Variants in PLCG1 observed in about 807,000 individuals in gnomAD.
PLCG1 encodes the protein 1-phosphatidylinositol 4,5-bisphosphate phosphodiesterase gamma-1.
Under a neutral mutation model 177.8 loss-of-function variants are expected in PLCG1, and 71 were observed. The observed-to-expected ratio is 0.40, with a 90% confidence interval of 0.33 to 0.49. The LOEUF (loss-of-function observed/expected upper bound fraction) is 0.49, where lower values mean the gene tolerates loss of function less well. Ranked by LOEUF, PLCG1 falls within the 20% of genes least tolerant of loss-of-function variation. PLCG1 has a pLI of 0.72. For synonymous variants in PLCG1, 658 were observed against 647.9 expected (o/e 1.02, Z -0.24); for missense variants, 1,281 against 1,709.0 (o/e 0.75, Z 4.42).
Position 41,159,031 on chromosome 20 carries a change from G to A in PLCG1, c.218-575G>A, listed in dbSNP as rs763616442. Among the ~76,000 whole-genome samples, 1 of 152,190 alleles carries A rather than the reference G, an allele frequency of 6.6e-6. No individual in the cohort carries two copies. The highest frequency in any genetic ancestry group is 1.5e-5 in the Non-Finnish European group (1 of 68,034). ...CAGGCAAAATGGTGGTCTGGGTCCA[G>A]GATGGTTGCTGCTCTTGGACAGCCA... On this transcript the variant is annotated intron_variant, in intron 1 of 31. Coordinates refer to ENST00000685551, the MANE Select transcript of PLCG1 (RefSeq NM_002660.3). This position sits in a 1 kb window ranked among gnomAD's most constrained non-coding sequence, Gnocchi z 6.0.
rs113580387 is a variant in PLCG1, at chr20:41,165,996, C to A, written c.1799+170C>A. ...CACACACACTCTCTGTCTCACCCCCCCCCCATACCCCTCCCTTTTCGGTTC... is the reference window on the plus strand; with the variant it reads ...CACACACACTCTCTGTCTCACCCCCACCCCATACCCCTCCCTTTTCGGTTC... On this transcript the variant is annotated intron_variant, in intron 16 of 31. Coordinates refer to ENST00000685551, the MANE Select transcript of PLCG1 (RefSeq NM_002660.3). The surrounding 1 kb of genome is among the most constrained non-coding windows in gnomAD (Gnocchi z 6.6). 3,808 of 681,952 alleles carry A rather than the reference C, an allele frequency of 5.6e-3. 21 individuals carry two copies. The highest frequency in any genetic ancestry group is 8.4e-3 in the Admixed American group (288 of 34,210). 42.2% of individuals were successfully genotyped at this position (681,952 alleles called of 1,614,324 possible).
rs755863057 is a variant in PLCG1, at chr20:41,173,416, A to T, written c.3280-4A>T. Reference sequence around the variant, plus strand: ...ATCCCAGGCCCTTCTTTGTCTGCCTACAGGTGCTGGGGGCCCGACATCTGC... The same window carrying T: ...ATCCCAGGCCCTTCTTTGTCTGCCTTCAGGTGCTGGGGGCCCGACATCTGC... On this transcript the variant is annotated splice_polypyrimidine_tract_variant and splice_region_variant and intron_variant, in intron 27 of 31. Transcript: ENST00000685551. This position sits in a 1 kb window ranked among gnomAD's most constrained non-coding sequence, Gnocchi z 6.2. The T allele has an allele frequency of 1.3e-6, 2 of 1,589,780 alleles. No individual in the cohort carries two copies. The highest frequency in any genetic ancestry group is 3.4e-5 in the Admixed American group (2 of 58,536).
intron 1 of PLCG1, among the ~76,000 whole-genome samples, chr20:41,139,763 G>A (rs1297623348): frequency 1.3e-5 from 2 of 152,146 alleles, no homozygotes; most frequent in Non-Finnish European, 2.9e-5. Flanking sequence ...ATGGTGAGGG[G>A]GTGAGGTGTG....
At position 41,169,442 on chromosome 20, in the gene PLCG1, C is replaced by T. The variant is rs1187093039; in HGVS notation, c.2581-15C>T. 6.2e-7 allele frequency: 1 copy of T among 1,605,936 alleles called. No homozygotes were observed. On this transcript the variant is annotated splice_polypyrimidine_tract_variant and intron_variant, in intron 22 of 31. Transcript: ENST00000685551. ...AGTAGCCATGCTGACCATTGGTGGG[C>T]TTTGCTTCCCACAGCACTTGGACGA...
intron 4 of PLCG1, 39 bp from the exon 5 acceptor site, chr20:41,162,413 A>C: frequency 6.6e-7 from 1 of 1,517,626 alleles, no homozygotes; most frequent in Non-Finnish European, 9.2e-7. Context: ...GGTCATGAGA[A>C]GCTGGATGAG....
In PLCG1 at chr20:41,163,133, G is replaced by A. The variant is rs1041251854; in HGVS notation, c.717-70G>A. ...GGGAAGCTGTGCTGGCTGGGAGTTG[G>A]GTTCTGCCTTCCGTGGGGCACCTTG... is the stretch of plus-strand genomic sequence containing the variant. On this transcript the variant is annotated intron_variant, in intron 7 of 31. Transcript: ENST00000685551. The surrounding 1 kb of genome is among the most constrained non-coding windows in gnomAD (Gnocchi z 5.2). 6.6e-7 allele frequency: 1 copy of A among 1,507,762 alleles called. No individual in the cohort carries two copies. The highest frequency in any genetic ancestry group is 9.1e-7 in the Non-Finnish European group (1 of 1,097,636). 93.4% of individuals were successfully genotyped at this position (1,507,762 alleles called of 1,614,324 possible).
At chr20:41,169,357 A>G in intron 22 of PLCG1, 100 bp from the exon 23 acceptor site, 1 of 1,046,672 alleles carries the variant, frequency 9.6e-7, no homozygotes, top group Non-Finnish European at 1.5e-6. Flanking sequence ...TGGCAGTCAC[A>G]GGTACACCCA....
At chr20:41,170,379 T>A in intron 24 of PLCG1, 110 bp downstream of exon 24, 1 of 1,127,642 alleles carries the variant, frequency 8.9e-7, no homozygotes, top group Non-Finnish European at 1.3e-6. Flanking sequence ...GCCGATGGCC[T>A]ATGCTAGATA....
rs1259002411 is a variant in PLCG1 at position 41,146,579 on chromosome 20, A to C, written c.217+8721A>C. On this transcript the variant is annotated intron_variant, in intron 1 of 31. Transcript: ENST00000685551. This position sits in a 1 kb window ranked among gnomAD's most constrained non-coding sequence, Gnocchi z 6.3. ...ACTGGTGAGGAGTTGGGCCATGGCG[A>C]GTTTGGCCACTTGTTTGTGTGTGTT... Among the ~76,000 whole-genome samples the C allele has an allele frequency of 2.6e-5, 4 of 152,118 alleles. No homozygotes were observed. The highest frequency in any genetic ancestry group is 4.4e-5 in the Non-Finnish European group (3 of 68,008).
rs2035446473 is a variant in PLCG1 at position 41,160,049 on chromosome 20, C to A, written c.465-57C>A. 17 of 1,605,536 alleles carry A rather than the reference C, an allele frequency of 1.1e-5. No individual in the cohort carries two copies. The South Asian group carries it at 1.8e-4, about 17-fold the overall frequency. On this transcript the variant is annotated intron_variant, in intron 3 of 31. Transcript: ENST00000685551. This position sits in a 1 kb window ranked among gnomAD's most constrained non-coding sequence, Gnocchi z 5.5. The stretch of plus-strand genomic sequence containing the variant: ...AGCAGACCTTTGTGTGCCCAGACAT[C>A]TCCCAGGCCTGACTGTAGATGGAGA...
chr20:41,139,562 C>T (rs950843387), intron 1 of PLCG1, among the ~76,000 whole-genome samples: 4 of 152,156 alleles, frequency 2.6e-5, no homozygotes, highest in Non-Finnish European at 5.9e-5. Context: ...CTTCTCTGAG[C>T]CTTGATTTCC....
Position 41,173,815 on chromosome 20 carries a change from TGAG to T in PLCG1, c.3556+5_3556+7del. On this transcript the variant is annotated splice_donor_5th_base_variant and intron_variant, in intron 29 of 31. Coordinates refer to ENST00000685551, the MANE Select transcript of PLCG1 (RefSeq NM_002660.3). The surrounding 1 kb of genome is among the most constrained non-coding windows in gnomAD (Gnocchi z 6.2). ...TCCCAGTAAAAGGCCTGAAGACAGG[TGAG>T]GACCATTCCTGGAGGCAGTGCCCCT... 6.2e-7 allele frequency: 1 copy of T among 1,613,198 alleles called. No individual in the cohort carries two copies. Among genetic ancestry groups the T allele is most frequent in the Non-Finnish European group, 8.5e-7 (1 of 1,179,414 alleles).
Position 41,156,125 on chromosome 20 carries a change from T to G in PLCG1, c.218-3481T>G, listed in dbSNP as rs1425435101. 6.6e-6 allele frequency among the ~76,000 whole-genome samples: 1 copy of G among 152,202 alleles called. No homozygotes were observed. The highest frequency in any genetic ancestry group is 2.4e-5 in the African/African-American group (1 of 41,458). The stretch of plus-strand genomic sequence containing the variant: ...GATATACAGTCCAGGCACAGGTGTG[T>G]GTGGTCCCTCATTACTTCAGAGCCC... On this transcript the variant is annotated intron_variant, in intron 1 of 31. Coordinates refer to ENST00000685551, the MANE Select transcript of PLCG1 (RefSeq NM_002660.3). The surrounding 1 kb of genome is among the most constrained non-coding windows in gnomAD (Gnocchi z 5.0).
chr20:41,162,846 C>G, intron 6 of PLCG1, 112 bp from the exon 7 acceptor site: 2 of 1,329,314 alleles, frequency 1.5e-6, no homozygotes, highest in Non-Finnish European at 2.2e-6. Context: ...TTCTCCAGTT[C>G]TTCTCCTCTT....
In PLCG1 at chr20:41,170,288, C is replaced by T. The variant is rs1282559873; in HGVS notation, c.2808+19C>T. ...CGCCAGGGTGAGATTCTGCTGGAAC[C>T]TTCTGGGGGGCAGTGTGTGGGCCCG... On this transcript the variant is annotated intron_variant, in intron 24 of 31. Coordinates refer to ENST00000685551, the MANE Select transcript of PLCG1 (RefSeq NM_002660.3). The T allele has an allele frequency of 3.7e-6, 6 of 1,613,642 alleles. No homozygotes were observed. Among genetic ancestry groups the T allele is most frequent in the African/African-American group, 1.3e-5 (1 of 74,916 alleles).
At position 41,156,200 on chromosome 20, in the gene PLCG1, A is replaced by G. The variant is rs1355281448; in HGVS notation, c.218-3406A>G. On this transcript the variant is annotated intron_variant, in intron 1 of 31. Coordinates refer to ENST00000685551, the MANE Select transcript of PLCG1 (RefSeq NM_002660.3). The surrounding 1 kb of genome is among the most constrained non-coding windows in gnomAD (Gnocchi z 5.0). ...TTCATCAGAGTTTGTGAGCGATTCA[A>G]TATAAGGGACTAAATCCCCCTCACT... Among the ~76,000 whole-genome samples, 2 of 152,188 alleles carry G rather than the reference A, an allele frequency of 1.3e-5. No homozygotes were observed. The highest frequency in any genetic ancestry group is 2.4e-5 in the African/African-American group (1 of 41,444).
intron 1 of PLCG1, among the ~76,000 whole-genome samples, chr20:41,158,448 T>C (rs985717343): frequency 3.3e-5 from 5 of 152,172 alleles, no homozygotes; most frequent in African/African-American, 1.2e-4. Flanking sequence ...AAATCGGTGA[T>C]TTCTGGGCTG....
rs2035929373 is a variant in PLCG1, at chr20:41,172,361, TATCCCC to T, written c.2906-59_2906-54del. 2 of 1,575,868 alleles carry T rather than the reference TATCCCC, an allele frequency of 1.3e-6. No homozygotes were observed. On this transcript the variant is annotated intron_variant, in intron 25 of 31. Coordinates refer to ENST00000685551, the MANE Select transcript of PLCG1 (RefSeq NM_002660.3). The surrounding 1 kb of genome is among the most constrained non-coding windows in gnomAD (Gnocchi z 7.0). The stretch of plus-strand genomic sequence containing the variant: ...GGTGGGTGCAAAAAGAGTATTTAGG[TATCCCC>T]CCAACACTTCCTGGGTGGGCGGGCT...
Position 41,164,318 on chromosome 20 carries a change from C to G in PLCG1, c.1217+117C>G, listed in dbSNP as rs569794063. On this transcript the variant is annotated intron_variant, in intron 12 of 31. Coordinates refer to ENST00000685551, the MANE Select transcript of PLCG1 (RefSeq NM_002660.3). This position sits in a 1 kb window ranked among gnomAD's most constrained non-coding sequence, Gnocchi z 6.4. Reference sequence around the variant, plus strand: ...TGTCCCCTCTCCCTCAGCCTTTCATCTTTGTCCTTCCTCTTGGCCTCTCCT... The same window carrying G: ...TGTCCCCTCTCCCTCAGCCTTTCATGTTTGTCCTTCCTCTTGGCCTCTCCT... 1 of 1,053,808 alleles carries G rather than the reference C, an allele frequency of 9.5e-7. No individual in the cohort carries two copies. Among genetic ancestry groups the G allele is most frequent in the Non-Finnish European group, 1.4e-6 (1 of 709,720 alleles). 65.3% of individuals were successfully genotyped at this position (1,053,808 alleles called of 1,614,324 possible). A position where few individuals can be genotyped will look rare whatever the true frequency, so the allele number is the denominator to read the frequency against.
Sources: gnomAD v4.1 joint callset for allele counts (sites outside exome capture counted in the v4.1 genomes callset) on GRCh38, gnomAD v4.1.1 for gene constraint, Gnocchi (gnomAD v3.1) non-coding constraint, MANE v1.5 for transcripts, NCBI Gene and HGNC (gene_info 2026-07-23, HGNC 2026-07-21) for gene names.